Variants in DOP1B observed in about 807,000 individuals in gnomAD.
The protein encoded by DOP1B is protein DOP1B.
DOP1B carries 174 observed loss-of-function variants against 233.5 expected under a neutral mutation model. That is an observed-to-expected ratio of 0.75 (90% CI 0.66 to 0.85). The LOEUF (loss-of-function observed/expected upper bound fraction) is 0.85, where lower values mean the gene tolerates loss of function less well. DOP1B is among the 40% of genes least tolerant of loss of function. The pLI is 0.00. For missense variants in DOP1B, 2,652 were observed against 2,846.6 expected, an observed-to-expected ratio of 0.93 and a Z score of 1.56; for synonymous variants, 1,190 against 1,185.6, an observed-to-expected ratio of 1.00 and a Z score of -0.08.
intron 27 of DOP1B, among the ~76,000 whole-genome samples, chr21:36,275,785 G>A (rs1165686622): frequency 1.3e-5 from 2 of 152,124 alleles, no homozygotes; most frequent in Admixed American, 6.6e-5. Context: ...ACATAACTAC[G>A]TAGACAGATC....
rs1322034190 is a variant in DOP1B at position 36,223,094 on chromosome 21, T to G, written c.1251-137T>G. On this transcript the variant is annotated intron_variant, in intron 10 of 36. Transcript: ENST00000691173. ...CAAACACATTATAAGAACAGTAATA[T>G]TTTCATTTTTATCAGGGTGTGTCAG... The G allele has an allele frequency of 7.6e-6, 6 of 793,352 alleles. No homozygotes were observed. In the East Asian group the frequency reaches 1.1e-4, roughly 15 times the overall value. 49.1% of individuals were successfully genotyped at this position (793,352 alleles called of 1,614,324 possible).
chr21:36,245,919 G>A lies in DOP1B; in HGVS notation c.3939G>A (p.Glu1313=), dbSNP rs1209450940. 5 of 1,613,842 alleles carry A rather than the reference G, an allele frequency of 3.1e-6. No homozygotes were observed. The highest frequency in any genetic ancestry group is 3.3e-5 in the Admixed American group (2 of 59,998). ...TGTGCCCCCACTCTCTGCTCCTGGA[G>A]CTGCTCACCTACCTCTGCCTGAGCT... ...PNVCPHSLLL[E]LLTYLCLSFL... is the part of the protein sequence containing the mutation. The change falls in exon 19 of 37, where the codon GAG becomes GAA. Residue 1313 remains glutamate (E), a synonymous_variant. Transcript: ENST00000691173. The surrounding 1 kb of genome is among the most constrained non-coding windows in gnomAD (Gnocchi z 5.5).
rs61752464 is a variant in DOP1B at position 36,246,232 on chromosome 21, C to A, written c.4252C>A (p.Leu1418Ile). The stretch of plus-strand genomic sequence containing the variant: ...CGGCAGGGCCCTGCCAGAGGACAGC[C>A]TCTTTGAGGAGAGTCTCATTAACTT... ...HHGRALPEDSLFEESLINLGQ... is the reference protein window; with the variant it reads ...HHGRALPEDSIFEESLINLGQ... Residue 1418 changes from leucine to isoleucine, a missense_variant, in exon 19 of 37, where the codon CTC becomes ATC. By Grantham distance (5) the Leu-to-Ile change is conservative (BLOSUM62 2). Transcript: ENST00000691173. The surrounding 1 kb of genome is among the most constrained non-coding windows in gnomAD (Gnocchi z 5.1). 1.9e-6 allele frequency: 3 copies of A among 1,613,928 alleles called. No homozygotes were observed. The highest frequency in any genetic ancestry group is 2.5e-6 in the Non-Finnish European group (3 of 1,180,042).
Position 36,212,025 on chromosome 21 carries a change from C to G in DOP1B, c.832C>G (p.Leu278Val), listed in dbSNP as rs753156977. 1.9e-6 allele frequency: 3 copies of G among 1,614,074 alleles called. No homozygotes were observed. The South Asian group carries it at 3.3e-5, about 18-fold the overall frequency. Residue 278 changes from leucine to valine, a missense_variant, in exon 7 of 37, where the codon CTC (leucine) becomes GTC (valine). Physicochemically the swap from Leu to Val is conservative, Grantham distance 32. Coordinates refer to ENST00000691173, the MANE Select transcript of DOP1B (RefSeq NM_001320714.2). ...CCTCAGATCTGACATCGTGCGCATT[C>G]TCTCAGCCGCCACCCAGACCCTACT... The part of the protein sequence containing the change: ...PLLRSDIVRI[L>V]SAATQTLLRR...
intron 35 of DOP1B, among the ~76,000 whole-genome samples, chr21:36,290,654 G>A (rs1435187892): frequency 6.6e-6 from 1 of 152,182 alleles, no homozygotes; most frequent in Non-Finnish European, 1.5e-5. Context: ...GCTGGGCATG[G>A]TGGCGTATGC....
At chr21:36,175,116 C>CT (rs34930032) in intron 2 of DOP1B, among the ~76,000 whole-genome samples, 58,136 of 145,590 alleles carry the variant, frequency 0.4, 11,911 homozygotes, top group Admixed American at 0.47. Flanking sequence ...TCTTCTTCTT[C>CT]TTTTTTTTTT....
intron 22 of DOP1B, 64 bp from the exon 23 acceptor site, chr21:36,253,708 T>C: frequency 6.5e-7 from 1 of 1,549,098 alleles, no homozygotes; most frequent in Non-Finnish European, 8.8e-7. Context: ...ACAATAAGGA[T>C]GTGTCATCCT....
chr21:36,227,132 TGG>T (rs2066695894), intron 12 of DOP1B, among the ~76,000 whole-genome samples: 1 of 144,548 alleles, frequency 6.9e-6, no homozygotes, highest in African/African-American at 2.6e-5. Flanking sequence ...GGTGTGAACC[TGG>T]GAGGCAGAGC....
intron 27 of DOP1B, among the ~76,000 whole-genome samples, chr21:36,274,594 G>GC (rs1737734398): frequency 6.6e-6 from 1 of 152,080 alleles, no homozygotes; most frequent in Non-Finnish European, 1.5e-5. Flanking sequence ...GTGTCCGAAG[G>GC]CCCCAGGGGC....
chr21:36,264,070 C>T (rs922316637), intron 26 of DOP1B, among the ~76,000 whole-genome samples: 1 of 152,224 alleles, frequency 6.6e-6, no homozygotes, highest in African/African-American at 2.4e-5. Flanking sequence ...ACCCCTCACC[C>T]TCCACACTGT....
At chr21:36,252,932 C>T (rs1300859616) in intron 22 of DOP1B, among the ~76,000 whole-genome samples, 3 of 152,232 alleles carry the variant, frequency 2.0e-5, no homozygotes, top group African/African-American at 4.8e-5. Flanking sequence ...GCTCCATCCC[C>T]TGCTCGGGAT....
At position 36,230,838 on chromosome 21, in the gene DOP1B, A is replaced by T. The variant is rs1410899120; in HGVS notation, c.2054A>T (p.Lys685Met). The T allele has an allele frequency of 1.2e-6, 2 of 1,613,998 alleles. No individual in the cohort carries two copies. The highest frequency in any genetic ancestry group is 4.5e-5 in the East Asian group (2 of 44,890). Residue 685 changes from lysine (K) to methionine (M), a missense_variant, in exon 14 of 37, where the codon AAG becomes ATG. Transcript: ENST00000691173. ...DSSRKNSWEP[K>M]PITVPQFKQM... ...AGCAGGAAGAACTCTTGGGAGCCCA[A>T]GCCCATCACTGTGCCTCAGTTCAAG...
At chr21:36,260,110 T>C (rs1484211863) in intron 23 of DOP1B, among the ~76,000 whole-genome samples, 1 of 149,290 alleles carries the variant, frequency 6.7e-6, no homozygotes. Flanking sequence ...GAGCTGAGAT[T>C]GCACCAGTGT....
intron 1 of DOP1B, among the ~76,000 whole-genome samples, chr21:36,161,258 G>T (rs531081100): frequency 6.6e-6 from 1 of 151,852 alleles, no homozygotes; most frequent in Non-Finnish European, 1.5e-5. Flanking sequence ...TGATTCTCCC[G>T]CCTCAGCCTC....
chr21:36,191,094 G>A (rs2066228454), intron 2 of DOP1B, among the ~76,000 whole-genome samples: 1 of 152,070 alleles, frequency 6.6e-6, no homozygotes, highest in Non-Finnish European at 1.5e-5. Context: ...TTCTTTCTTG[G>A]GATCCAAATA....
At chr21:36,283,960 T>TC (rs1168649459) in intron 32 of DOP1B, among the ~76,000 whole-genome samples, 1 of 141,238 alleles carries the variant, frequency 7.1e-6, no homozygotes, top group South Asian at 2.3e-4. Context: ...TTTTTTTTTT[T>TC]CCTTTGAGAT....
rs1033424064 is a variant in DOP1B, at chr21:36,165,446, G to T, written c.138+575G>T. 3.9e-5 allele frequency among the ~76,000 whole-genome samples: 6 copies of T among 152,154 alleles called. No homozygotes were observed. The South Asian group carries it at 1.2e-3, about 32-fold the overall frequency. On this transcript the variant is annotated intron_variant, in intron 2 of 36. Transcript: ENST00000691173. ...TACGTGTGTGCATGTGTGTGTATGG[G>T]GTCAGATCTAGGAAAACCAAAACTG...
rs775235145 is a variant in DOP1B at position 36,232,812 on chromosome 21, G to C, written c.2359G>C (p.Asp787His). The change falls in exon 15 of 37, where the codon GAT (aspartate) becomes CAT (histidine). Residue 787 changes from aspartate (D) to histidine (H), a missense_variant. Physicochemically the swap from Asp to His is moderately conservative, Grantham distance 81. This residue lies in a region of DOP1B where 2,617 missense variants were observed against 2,794.3 expected (regional missense o/e 0.94). Coordinates refer to ENST00000691173, the MANE Select transcript of DOP1B (RefSeq NM_001320714.2). ...ATLFQLPGAGDSSFPSWLKSL... is the reference protein window; with the variant it reads ...ATLFQLPGAGHSSFPSWLKSL... ...GGCTGGCTTCCTTTCAGGAGCCGGT[G>C]ATTCCAGTTTTCCATCTTGGCTGAA... The C allele has an allele frequency of 9.9e-6, 16 of 1,612,292 alleles. No homozygotes were observed. The African/African-American group carries it at 2.0e-4, about 20-fold the overall frequency.
chr21:36,161,333 T>G (rs2065867449), intron 1 of DOP1B, among the ~76,000 whole-genome samples: 1 of 152,076 alleles, frequency 6.6e-6, no homozygotes, highest in African/African-American at 2.4e-5. Flanking sequence ...GAGATGGAGT[T>G]TCACCATGTT....
Sources: gnomAD v4.1 joint callset for allele counts (sites outside exome capture counted in the v4.1 genomes callset) on GRCh38, gnomAD v4.1.1 for gene constraint, gnomAD v4.1.1 regional missense constraint, Gnocchi (gnomAD v3.1) non-coding constraint, MANE v1.5 for transcripts, NCBI Gene and HGNC (gene_info 2026-07-23, HGNC 2026-07-21) for gene names.